MTUS2: variants seen among roughly 807,000 people sequenced by gnomAD.
The protein encoded by MTUS2 is microtubule-associated tumor suppressor candidate 2.
Under a neutral mutation model 114.1 loss-of-function variants are expected in MTUS2, and 40 were observed. That is an observed-to-expected ratio of 0.35 (90% CI 0.27 to 0.46). The LOEUF (loss-of-function observed/expected upper bound fraction) is 0.46. Among genes scored for constraint, MTUS2 ranks in the 20% least tolerant of loss-of-function variants. The pLI is 1.00. For missense variants in MTUS2, 1,679 were observed against 1,705.4 expected (o/e 0.98, Z 0.27); for synonymous variants, 688 against 672.0 (o/e 1.02, Z -0.37).
intron 2 of MTUS2, among the ~76,000 whole-genome samples, chr13:28,890,334 C>T (rs1336410661): frequency 6.6e-6 from 1 of 152,148 alleles, no homozygotes; most frequent in Non-Finnish European, 1.5e-5. Context: ...TTGGCTTAGC[C>T]TCATCTGAAG....
chr13:28,853,379 G>A (rs1331448022), intron 2 of MTUS2, among the ~76,000 whole-genome samples: 1 of 152,216 alleles, frequency 6.6e-6, no homozygotes, highest in Non-Finnish European at 1.5e-5. Context: ...AACGGCAGTG[G>A]CCGGAGTGGA....
intron 10 of MTUS2, among the ~76,000 whole-genome samples, chr13:29,487,079 G>A (rs77997876): frequency 0.012 from 1,795 of 152,320 alleles, 35 homozygotes; most frequent in African/African-American, 0.037. Flanking sequence ...ACTGCTAGAC[G>A]TGTTCCTGCA....
Position 29,352,034 on chromosome 13 carries a change from G to A in MTUS2, c.2906-7228G>A, listed in dbSNP as rs1343183128. 2.6e-5 allele frequency among the ~76,000 whole-genome samples: 4 copies of A among 152,050 alleles called. No homozygotes were observed. In the South Asian group the frequency reaches 6.2e-4, roughly 24 times the overall value. On this transcript the variant is annotated intron_variant, in intron 7 of 15. Coordinates refer to ENST00000612955, the MANE Select transcript of MTUS2 (RefSeq NM_001033602.4). Reference sequence around the variant, plus strand: ...TTCGCTTCTTTGAACAACCCCATCTGCCTATTCTCTTTTTGCATGCATCTG... The same window carrying A: ...TTCGCTTCTTTGAACAACCCCATCTACCTATTCTCTTTTTGCATGCATCTG...
In MTUS2 at chr13:28,961,412, A is replaced by G. The variant is rs182683893; in HGVS notation, c.-242-63045A>G. On this transcript the variant is annotated intron_variant, in intron 2 of 15. Coordinates refer to ENST00000612955, the MANE Select transcript of MTUS2 (RefSeq NM_001033602.4). Reference sequence around the variant, plus strand: ...AAATGACACCTTATCTATAGAGGAAAAACAATTAGAATGACATTGGATTTC... The same window carrying G: ...AAATGACACCTTATCTATAGAGGAAGAACAATTAGAATGACATTGGATTTC... Among the ~76,000 whole-genome samples the G allele has an allele frequency of 3.5e-3, 536 of 152,310 alleles. 2 individuals are homozygous for G. The highest frequency in any genetic ancestry group is 0.012 in the African/African-American group (517 of 41,568).
intron 2 of MTUS2, among the ~76,000 whole-genome samples, chr13:28,941,274 A>G (rs973595816): frequency 6.6e-5 from 10 of 152,084 alleles, no homozygotes; most frequent in African/African-American, 1.4e-4. Flanking sequence ...TATTCTGTCT[A>G]TATTTACTGT....
intron 5 of MTUS2, among the ~76,000 whole-genome samples, chr13:29,229,366 C>T (rs1896235825): frequency 6.6e-6 from 1 of 152,200 alleles, no homozygotes; most frequent in Non-Finnish European, 1.5e-5. Flanking sequence ...AGTCTGTCTT[C>T]TTAATCCACT....
intron 2 of MTUS2, among the ~76,000 whole-genome samples, chr13:28,908,014 T>C (rs918474139): frequency 6.6e-6 from 1 of 151,608 alleles, no homozygotes; most frequent in South Asian, 2.1e-4. Flanking sequence ...AGTTTTGAGA[T>C]GTTTAATCGT....
chr13:29,320,414 G>T (rs1476144023), intron 6 of MTUS2, among the ~76,000 whole-genome samples: 2 of 152,206 alleles, frequency 1.3e-5, no homozygotes, highest in African/African-American at 4.8e-5. Flanking sequence ...GTCTGAAACT[G>T]CTAAGTGATA....
chr13:29,280,607 CTAACCTTT>C (rs1898229932), intron 5 of MTUS2, among the ~76,000 whole-genome samples: 1 of 152,134 alleles, frequency 6.6e-6, no homozygotes, highest in Non-Finnish European at 1.5e-5. Context: ...AATGTTTAGA[CTAACCTTT>C]GAAAAGGATG....
chr13:29,307,018 G>T, intron 6 of MTUS2: 1 of 530,724 alleles, frequency 1.9e-6, no homozygotes, highest in Non-Finnish European at 3.7e-6. Flanking sequence ...CCAGGAGCGA[G>T]ATCCCTCCAA....
intron 9 of MTUS2, among the ~76,000 whole-genome samples, chr13:29,448,688 T>A (rs1878461279): frequency 6.6e-6 from 1 of 151,918 alleles, no homozygotes; most frequent in Non-Finnish European, 1.5e-5. Context: ...TGGACTTTAC[T>A]TTTTTATGTT....
At chr13:29,311,222 G>A (rs1593289478) in intron 6 of MTUS2, among the ~76,000 whole-genome samples, 1 of 152,276 alleles carries the variant, frequency 6.6e-6, no homozygotes, top group East Asian at 1.9e-4. Context: ...GGAAAAGCAA[G>A]ACATGATCAC....
Position 28,963,329 on chromosome 13 carries a change from C to T in MTUS2, c.-242-61128C>T, listed in dbSNP as rs893173835. Among the ~76,000 whole-genome samples, 51 of 151,966 alleles carry T rather than the reference C, an allele frequency of 3.4e-4. 1 individual carries two copies. Among genetic ancestry groups the T allele is most frequent in the African/African-American group, 4.8e-5 (2 of 41,370 alleles). On this transcript the variant is annotated intron_variant, in intron 2 of 15. Transcript: ENST00000612955. ...TCGTGCCACTGCACTCCAGCCTGAG[C>T]GTCAGAGCGAGACTCCATCTCAAAA...
intron 8 of MTUS2, among the ~76,000 whole-genome samples, chr13:29,432,424 G>A (rs1241103747): frequency 6.6e-6 from 1 of 152,184 alleles, no homozygotes; most frequent in Non-Finnish European, 1.5e-5. Flanking sequence ...TAAACTAGAT[G>A]TATAAACTAT....
chr13:29,389,590 CAT>C lies in MTUS2; in HGVS notation c.3117+30120_3117+30121del, dbSNP rs1366661577. ...GTGTACATATGTGTGTATACGTATA[CAT>C]ATGTGTGTATACGTATACATATGTG... is the stretch of plus-strand genomic sequence containing the variant. On this transcript the variant is annotated intron_variant, in intron 8 of 15. Transcript: ENST00000612955. Among the ~76,000 whole-genome samples the C allele has an allele frequency of 1.2e-4, 12 of 103,274 alleles. 2 individuals carry two copies. Among genetic ancestry groups the C allele is most frequent in the Non-Finnish European group, 2.0e-4 (10 of 50,324 alleles). 67.8% of individuals were successfully genotyped at this position (103,274 alleles called of 152,430 possible). A position where few individuals can be genotyped will look rare whatever the true frequency, so the allele number is the denominator to read the frequency against.
At chr13:29,370,679 G>A (rs1346508145) in intron 8 of MTUS2, among the ~76,000 whole-genome samples, 1 of 152,142 alleles carries the variant, frequency 6.6e-6, no homozygotes, top group Non-Finnish European at 1.5e-5. Flanking sequence ...TCCAGACTGT[G>A]AACAAAATAA....
intron 8 of MTUS2, among the ~76,000 whole-genome samples, chr13:29,389,563 ATG>A (rs1873067199): frequency 3.7e-5 from 2 of 53,506 alleles, no homozygotes; most frequent in African/African-American, 6.5e-5. Context: ...ACGTGTGTAT[ATG>A]TGTACATATG....
chr13:29,211,867 T>C (rs1223735637), intron 5 of MTUS2, among the ~76,000 whole-genome samples: 2 of 151,850 alleles, frequency 1.3e-5, no homozygotes, highest in Non-Finnish European at 2.9e-5. Context: ...TTTCCTGGTG[T>C]GTTCTTCAGT....
intron 4 of MTUS2, among the ~76,000 whole-genome samples, chr13:29,051,723 G>A (rs1254518521): frequency 6.6e-6 from 1 of 152,170 alleles, no homozygotes; most frequent in African/African-American, 2.4e-5. Context: ...GGAGAGAAAG[G>A]ATCAGTGAAT....
Sources: gnomAD v4.1 joint callset for allele counts (sites outside exome capture counted in the v4.1 genomes callset) on GRCh38, gnomAD v4.1.1 for gene constraint, MANE v1.5 for transcripts, NCBI Gene and HGNC (gene_info 2026-07-23, HGNC 2026-07-21) for gene names.